Variants in ABHD12 observed in about 807,000 individuals in gnomAD.
ABHD12 encodes lysophosphatidylserine lipase ABHD12.
A neutral mutation model predicts 58.3 loss-of-function variants in ABHD12; 43 were observed. The observed-to-expected ratio is 0.74, with a 90% CI of 0.58 to 0.95. The LOEUF (loss-of-function observed/expected upper bound fraction) is 0.95. Ranked by LOEUF, ABHD12 falls within the 40% of genes least tolerant of loss-of-function variation. ABHD12 has a pLI of 0.00. For synonymous variants in ABHD12, 219 were observed against 211.2 expected (o/e 1.04, Z -0.32); for missense variants, 539 against 537.2 (o/e 1.00, Z -0.03).
At chr20:25,356,890 C>A (rs1474563341) in intron 1 of ABHD12, among the ~76,000 whole-genome samples, 1 of 151,998 alleles carries the variant, frequency 6.6e-6, no homozygotes, top group African/African-American at 2.4e-5. Flanking sequence ...AATCCCAGCA[C>A]GTTGGGAGGC....
At chr20:25,345,302 G>GTCTTGATC (rs1210492685) in intron 1 of ABHD12, among the ~76,000 whole-genome samples, 2 of 152,076 alleles carry the variant, frequency 1.3e-5, no homozygotes, top group Non-Finnish European at 2.9e-5. Flanking sequence ...AGCTAGGATG[G>GTCTTGATC]TCTTGATCTC....
intron 8 of ABHD12, 56 bp from the exon 9 acceptor site, chr20:25,308,101 G>C: frequency 8.2e-7 from 1 of 1,219,932 alleles, no homozygotes; most frequent in Non-Finnish European, 1.2e-6. Flanking sequence ...ACATACATGT[G>C]GCCTGTGGGG....
intron 1 of ABHD12, among the ~76,000 whole-genome samples, chr20:25,384,896 A>T (rs1363843609): frequency 6.6e-6 from 1 of 152,178 alleles, no homozygotes; most frequent in Non-Finnish European, 1.5e-5. Flanking sequence ...TGTTCTCTCC[A>T]CTTCTCAGCA....
At chr20:25,377,361 T>C (rs934099269) in intron 1 of ABHD12, among the ~76,000 whole-genome samples, 1 of 152,166 alleles carries the variant, frequency 6.6e-6, no homozygotes, top group African/African-American at 2.4e-5. Flanking sequence ...TCTTAGTCAG[T>C]TTTTTGTTTC....
intron 1 of ABHD12, among the ~76,000 whole-genome samples, chr20:25,365,256 C>T (rs1056739061): frequency 6.6e-6 from 1 of 152,176 alleles, no homozygotes; most frequent in South Asian, 2.1e-4. Context: ...CCCCATCATG[C>T]CCACAGATAA....
At position 25,320,378 on chromosome 20, in the gene ABHD12, G is replaced by A. The variant is rs138231402; in HGVS notation, c.423-60C>T. The A allele has an allele frequency of 6.7e-5, 108 of 1,604,920 alleles. 1 individual carries two copies. The East Asian group carries it at 1.8e-3, about 26-fold the overall frequency. On this transcript the variant is annotated intron_variant, in intron 3 of 12. Coordinates refer to ENST00000339157, the MANE Select transcript of ABHD12 (RefSeq NM_001042472.3). ...ATGTCCCTTCTGTCCTCATCCTGGC[G>A]ACTGCACGTGGTGTTACTTAATCAG...
downstream of ABHD12, chr20:25,297,791 G>C (rs200773198): frequency 1.3e-5 from 2 of 152,000 alleles, no homozygotes; most frequent in African/African-American, 4.8e-5. Context: ...ATCTGCGCAC[G>C]GTGCACAGCC....
chr20:25,359,411 G>C (rs1417526129), intron 1 of ABHD12, among the ~76,000 whole-genome samples: 1 of 107,672 alleles, frequency 9.3e-6, no homozygotes, highest in Middle Eastern at 6.4e-3. Flanking sequence ...GCCACAGAGC[G>C]AGACTCCGTC....
chr20:25,351,519 C>T (rs1245043861), intron 1 of ABHD12, among the ~76,000 whole-genome samples: 1 of 152,258 alleles, frequency 6.6e-6, no homozygotes. Context: ...CCTCCTATAA[C>T]ATTTACAAAA....
chr20:25,322,216 A>G (rs2089078837), intron 3 of ABHD12, among the ~76,000 whole-genome samples: 1 of 151,792 alleles, frequency 6.6e-6, no homozygotes. Flanking sequence ...CAGAGAAGTC[A>G]CAAGGCTTAT....
chr20:25,303,383 G>T, intron 11 of ABHD12, 167 bp downstream of exon 11: 1 of 1,515,532 alleles, frequency 6.6e-7, no homozygotes, highest in Non-Finnish European at 8.8e-7. Context: ...GCCTGGAGGT[G>T]ACGCAGGGAG....
chr20:25,313,738 C>T (rs1278337862), intron 6 of ABHD12, among the ~76,000 whole-genome samples: 2 of 152,114 alleles, frequency 1.3e-5, no homozygotes, highest in African/African-American at 4.8e-5. Context: ...GCTGAGATCA[C>T]ATCACTGCAA....
intron 6 of ABHD12, among the ~76,000 whole-genome samples, chr20:25,314,584 CAGAAGGATCCCTTGAGCCA>C (rs1449380233): frequency 6.6e-6 from 1 of 151,362 alleles, no homozygotes; most frequent in Non-Finnish European, 1.5e-5. Context: ...GAGCCTAAGG[CAGAAGGATCCCTTGAGCCA>C]AGGAGTTCAA....
intron 3 of ABHD12, 74 bp from the exon 4 acceptor site, chr20:25,320,392 T>TGCA: frequency 1.3e-6 from 2 of 1,597,612 alleles, no homozygotes; most frequent in African/African-American, 2.7e-5. Context: ...GCACGTGGTG[T>TGCA]TACTTAATCA....
At chr20:25,323,304 G>T (rs1301187931) in intron 3 of ABHD12, 21 bp downstream of exon 3, 2 of 1,522,938 alleles carry the variant, frequency 1.3e-6, no homozygotes, top group Admixed American at 1.7e-5. Context: ...TGGAGGGGCT[G>T]CAGAGCTCAC....
intron 1 of ABHD12, among the ~76,000 whole-genome samples, chr20:25,372,220 CTTT>C (rs539579415): frequency 0.014 from 2,071 of 144,688 alleles, 18 homozygotes; most frequent in South Asian, 0.026. Flanking sequence ...TCAGCCTCTT[CTTT>C]TTTTTTTTTT....
intron 1 of ABHD12, among the ~76,000 whole-genome samples, chr20:25,364,651 C>A (rs1205703451): frequency 6.6e-6 from 1 of 152,214 alleles, no homozygotes; most frequent in Non-Finnish European, 1.5e-5. Flanking sequence ...TACCTAACGG[C>A]CTACAGAGCT....
intron 10 of ABHD12, 34 bp from the exon 11 acceptor site, chr20:25,303,662 G>A (rs1347185121): frequency 1.2e-6 from 2 of 1,612,314 alleles, no homozygotes; most frequent in Admixed American, 3.3e-5. Context: ...ACCAAGACCA[G>A]GGAAAGGGCA....
chr20:25,383,628 G>C (rs2090048249), intron 1 of ABHD12, among the ~76,000 whole-genome samples: 1 of 152,120 alleles, frequency 6.6e-6, no homozygotes, highest in African/African-American at 2.4e-5. Context: ...AGACCAGCCT[G>C]GCCAATATGG....
Sources: gnomAD v4.1 joint callset for allele counts (sites outside exome capture counted in the v4.1 genomes callset) on GRCh38, gnomAD v4.1.1 for gene constraint, MANE v1.5 for transcripts, NCBI Gene and HGNC (gene_info 2026-07-23, HGNC 2026-07-21) for gene names.